CMIP: variants seen among roughly 807,000 people sequenced by gnomAD.
CMIP encodes c-Maf inducing protein.
CMIP carries 13 observed loss-of-function variants against 97.3 expected under a neutral mutation model. That is an observed-to-expected ratio of 0.13 (90% CI 0.09 to 0.21). CMIP has a LOEUF of 0.21. Among genes scored for constraint, CMIP ranks in the 10% least tolerant of loss-of-function variants. CMIP has a pLI of 1.00. For synonymous variants in CMIP, 538 were observed against 436.3 expected, an observed-to-expected ratio of 1.23 and a Z score of -2.91; for missense variants, 847 against 1,024.9, an observed-to-expected ratio of 0.83 and a Z score of 2.37.
At chr16:81,534,813 T>A (rs1380778605) in intron 1 of CMIP, among the ~76,000 whole-genome samples, 2 of 152,224 alleles carry the variant, frequency 1.3e-5, no homozygotes, top group African/African-American at 4.8e-5. Flanking sequence ...CCTTTTCCCA[T>A]TGCTTTAAAA....
chr16:81,463,652 A>G lies in CMIP; in HGVS notation c.300+18111A>G, dbSNP rs79936663. On this transcript the variant is annotated intron_variant, in intron 1 of 20. Coordinates refer to ENST00000537098, the MANE Select transcript of CMIP (RefSeq NM_198390.3). ...GGAACCTGCCATTTCTCAGGCACCT[A>G]TGATGTGCCAGGCACTTATTCAGCC... Among the ~76,000 whole-genome samples, 554 of 152,274 alleles carry G rather than the reference A, an allele frequency of 3.6e-3. 6 individuals carry two copies. Among genetic ancestry groups the G allele is most frequent in the East Asian group, 0.031 (160 of 5,168 alleles).
chr16:81,524,083 A>G (rs950923473), intron 1 of CMIP, among the ~76,000 whole-genome samples: 1 of 152,160 alleles, frequency 6.6e-6, no homozygotes, highest in East Asian at 1.9e-4. Context: ...TGCCTCTTTC[A>G]CGGGTTCCAT....
intron 1 of CMIP, among the ~76,000 whole-genome samples, chr16:81,567,911 C>T (rs1216344924): frequency 1.3e-5 from 2 of 152,126 alleles, no homozygotes; most frequent in East Asian, 1.9e-4. Context: ...GTAGAAGCTT[C>T]CCCTAATGTT....
intron 20 of CMIP, among the ~76,000 whole-genome samples, chr16:81,707,889 G>A (rs976359074): frequency 6.6e-6 from 1 of 152,226 alleles, no homozygotes; most frequent in Admixed American, 6.5e-5. Flanking sequence ...CGTGAGCCAC[G>A]CTGGCACCTT....
chr16:81,664,828 G>A (rs1324894877), intron 7 of CMIP: 1 of 237,432 alleles, frequency 4.2e-6, no homozygotes, highest in Non-Finnish European at 8.0e-6. Context: ...CAGTTAGACA[G>A]AATATTCCCT....
intron 5 of CMIP, 120 bp from the exon 6 acceptor site, chr16:81,660,764 A>C: frequency 9.8e-7 from 1 of 1,025,576 alleles, no homozygotes; most frequent in Non-Finnish European, 1.5e-6. Flanking sequence ...GAATGATGTG[A>C]TGCAGGATGT....
chr16:81,605,271 G>A (rs1206722258), intron 1 of CMIP, among the ~76,000 whole-genome samples: 2 of 152,232 alleles, frequency 1.3e-5, no homozygotes, highest in African/African-American at 2.4e-5. Flanking sequence ...CTTCTTGGGT[G>A]ACACATGGCA....
At chr16:81,491,443 T>A (rs1458179517) in intron 1 of CMIP, among the ~76,000 whole-genome samples, 6 of 152,228 alleles carry the variant, frequency 3.9e-5, no homozygotes, top group African/African-American at 1.4e-4. Context: ...GAAGATTATG[T>A]GTGGGAAAGC....
At chr16:81,524,872 C>T (rs922432981) in intron 1 of CMIP, among the ~76,000 whole-genome samples, 2 of 150,954 alleles carry the variant, frequency 1.3e-5, no homozygotes, top group African/African-American at 4.9e-5. Context: ...TGGCTCACTG[C>T]AACCTCCACC....
chr16:81,472,492 A>AGTGAT (rs1907619061), intron 1 of CMIP, among the ~76,000 whole-genome samples: 1 of 152,148 alleles, frequency 6.6e-6, no homozygotes, highest in Non-Finnish European at 1.5e-5. Flanking sequence ...TCTTGTAGGC[A>AGTGAT]CTGATCACAG....
chr16:81,504,274 T>G (rs939343555), intron 1 of CMIP, among the ~76,000 whole-genome samples: 4 of 149,048 alleles, frequency 2.7e-5, no homozygotes, highest in Non-Finnish European at 6.0e-5. Flanking sequence ...TGCAGTGGGC[T>G]GAGATCATGC....
chr16:81,476,231 T>A, intron 1 of CMIP: 2 of 1,436,382 alleles, frequency 1.4e-6, no homozygotes, highest in Non-Finnish European at 2.0e-6. Flanking sequence ...ATGGACAAGA[T>A]GCCGGGACCT....
intron 10 of CMIP, among the ~76,000 whole-genome samples, chr16:81,680,001 C>G (rs1342111934): frequency 6.6e-6 from 1 of 152,234 alleles, no homozygotes; most frequent in Non-Finnish European, 1.5e-5. Context: ...GCCCCACTCT[C>G]AGGAGTTTTG....
At position 81,670,159 on chromosome 16, in the gene CMIP, G is replaced by A. The variant is rs1047620355; in HGVS notation, c.843G>A (p.Pro281=). The change falls in exon 8 of 21, where the codon CCG becomes CCA. Residue 281 remains proline, a synonymous_variant. Transcript: ENST00000537098. ...LKHNMDFGKC[P]RLRLFTQEYI... ...CTCCACAGGACTTTGGGAAGTGCCC[G>A]CGACTGAGGCTGTTTACTCAGGAGT... 6.8e-6 allele frequency: 11 copies of A among 1,609,228 alleles called. No homozygotes were observed. The highest frequency in any genetic ancestry group is 2.2e-5 in the East Asian group (1 of 44,744).
chr16:81,482,004 G>A (rs555882481), intron 1 of CMIP, among the ~76,000 whole-genome samples: 1 of 151,958 alleles, frequency 6.6e-6, no homozygotes, highest in Non-Finnish European at 1.5e-5. Context: ...TCAGCCTCCT[G>A]AGTAGCTGGG....
intron 1 of CMIP, among the ~76,000 whole-genome samples, chr16:81,458,307 G>C (rs1906686144): frequency 3.3e-5 from 5 of 152,174 alleles, no homozygotes; most frequent in Admixed American, 3.3e-4. Flanking sequence ...CAAGGTTCTG[G>C]AGTTGGCATG....
intron 1 of CMIP, among the ~76,000 whole-genome samples, chr16:81,602,633 G>A (rs1300020545): frequency 6.6e-6 from 1 of 152,188 alleles, no homozygotes; most frequent in Non-Finnish European, 1.5e-5. Flanking sequence ...AGCCCCTGTA[G>A]TTTTGTTTAT....
chr16:81,482,186 C>G (rs1306439271), intron 1 of CMIP, among the ~76,000 whole-genome samples: 1 of 152,072 alleles, frequency 6.6e-6, no homozygotes, highest in Non-Finnish European at 1.5e-5. Context: ...TCCCTGCCGC[C>G]TCTTATAAGG....
intron 1 of CMIP, among the ~76,000 whole-genome samples, chr16:81,524,917 C>G (rs942072391): frequency 3.1e-4 from 47 of 151,742 alleles, no homozygotes; most frequent in African/African-American, 1.1e-3. Context: ...CCTCAGCCTC[C>G]TCTTAGTAGC....
Sources: gnomAD v4.1 joint callset for allele counts (sites outside exome capture counted in the v4.1 genomes callset) on GRCh38, gnomAD v4.1.1 for gene constraint, MANE v1.5 for transcripts, NCBI Gene and HGNC (gene_info 2026-07-23, HGNC 2026-07-21) for gene names.